Variants in GPC5 observed in about 807,000 individuals in gnomAD.
The protein encoded by GPC5 is glypican 5.
Under a neutral mutation model 53.9 loss-of-function variants are expected in GPC5, and 47 were observed. The ratio of observed to expected loss-of-function variants is 0.87; its 90% CI spans 0.69 to 1.11. The LOEUF (loss-of-function observed/expected upper bound fraction) is 1.11, where lower values mean the gene tolerates loss of function less well. Among genes scored for constraint, GPC5 ranks in the 50% most tolerant of loss-of-function variants. The pLI is 0.00. For synonymous variants in GPC5, 286 were observed against 263.3 expected (o/e 1.09, Z -0.84); for missense variants, 748 against 713.1 (o/e 1.05, Z -0.56).
intron 5 of GPC5, among the ~76,000 whole-genome samples, chr13:91,873,478 T>C (rs943391542): frequency 6.6e-6 from 1 of 152,052 alleles, no homozygotes; most frequent in Non-Finnish European, 1.5e-5. Flanking sequence ...GCCTTTCCCG[T>C]GCTGTTCTTA....
intron 7 of GPC5, among the ~76,000 whole-genome samples, chr13:92,422,085 A>G (rs930961040): frequency 2.6e-5 from 4 of 151,998 alleles, no homozygotes; most frequent in Admixed American, 6.6e-5. Context: ...AATATGGGAC[A>G]CAGACTAGAG....
chr13:92,310,605 C>G (rs1594090436), intron 7 of GPC5, among the ~76,000 whole-genome samples: 1 of 152,176 alleles, frequency 6.6e-6, no homozygotes, highest in Admixed American at 6.5e-5. Flanking sequence ...CAGAAGGAAA[C>G]TCAAACCTAT....
chr13:92,416,504 C>T (rs570684135), intron 7 of GPC5, among the ~76,000 whole-genome samples: 1 of 152,260 alleles, frequency 6.6e-6, no homozygotes, highest in South Asian at 2.1e-4. Flanking sequence ...GGTGCTGGGA[C>T]AACTGAATAT....
chr13:92,134,908 A>G (rs1254605873), intron 6 of GPC5, among the ~76,000 whole-genome samples: 1 of 152,108 alleles, frequency 6.6e-6, no homozygotes, highest in Admixed American at 6.6e-5. Context: ...CTTACATTTA[A>G]AAAAATTGGG....
chr13:92,256,500 G>A (rs1180110607), intron 7 of GPC5, among the ~76,000 whole-genome samples: 2 of 151,836 alleles, frequency 1.3e-5, no homozygotes, highest in African/African-American at 2.4e-5. Flanking sequence ...CTGCAACTAC[G>A]GATGAAATGA....
intron 5 of GPC5, among the ~76,000 whole-genome samples, chr13:91,815,246 C>A (rs1015735200): frequency 2.6e-5 from 4 of 152,000 alleles, no homozygotes; most frequent in East Asian, 1.9e-4. Flanking sequence ...ATTAGCCAGG[C>A]CTGGTGGTAT....
chr13:92,231,982 CAA>C (rs1315976437), intron 7 of GPC5, among the ~76,000 whole-genome samples: 1 of 150,678 alleles, frequency 6.6e-6, no homozygotes, highest in African/African-American at 2.5e-5. Flanking sequence ...CAAAACAAAA[CAA>C]AAACAAAAAC....
chr13:92,043,247 C>T (rs537931364), intron 6 of GPC5, among the ~76,000 whole-genome samples: 1 of 152,290 alleles, frequency 6.6e-6, no homozygotes, highest in African/African-American at 2.4e-5. Context: ...ATGACAGTCA[C>T]ATTTATGGGC....
intron 7 of GPC5, among the ~76,000 whole-genome samples, chr13:92,670,694 T>A (rs1886716320): frequency 6.6e-6 from 1 of 152,140 alleles, no homozygotes; most frequent in African/African-American, 2.4e-5. Flanking sequence ...TTTTTTAAAG[T>A]CTGCCCAGCA....
intron 6 of GPC5, among the ~76,000 whole-genome samples, chr13:91,941,298 G>T (rs2039924758): frequency 1.3e-5 from 2 of 152,042 alleles, no homozygotes; most frequent in Non-Finnish European, 1.5e-5. Flanking sequence ...ATCCGGCTTT[G>T]TTCTTTTTGC....
At chr13:92,673,942 T>A (rs1886842402) in intron 7 of GPC5, among the ~76,000 whole-genome samples, 1 of 152,132 alleles carries the variant, frequency 6.6e-6, no homozygotes, top group Non-Finnish European at 1.5e-5. Context: ...TGTAAAAAAA[T>A]GTTGATATTA....
intron 7 of GPC5, among the ~76,000 whole-genome samples, chr13:92,845,386 T>A (rs1029915699): frequency 5.3e-5 from 8 of 152,118 alleles, no homozygotes; most frequent in African/African-American, 1.9e-4. Context: ...CCAGGAGGCC[T>A]GAGAACTAGG....
At chr13:92,304,371 AT>A (rs1363858431) in intron 7 of GPC5, among the ~76,000 whole-genome samples, 2 of 151,446 alleles carry the variant, frequency 1.3e-5, no homozygotes, top group African/African-American at 4.9e-5. Flanking sequence ...CGCCCGGCTA[AT>A]TTTTTGTATT....
chr13:92,251,305 G>A (rs1355537015), intron 7 of GPC5, among the ~76,000 whole-genome samples: 16 of 152,210 alleles, frequency 1.1e-4, no homozygotes, highest in South Asian at 1.0e-3. Flanking sequence ...TGATGGCACC[G>A]TTAACATGTT....
intron 7 of GPC5, among the ~76,000 whole-genome samples, chr13:92,553,440 G>A (rs778704203): frequency 6.6e-6 from 1 of 151,902 alleles, no homozygotes; most frequent in Non-Finnish European, 1.5e-5. Context: ...ATTTGAGTTG[G>A]ATACCTGGAA....
intron 7 of GPC5, among the ~76,000 whole-genome samples, chr13:92,245,705 G>A (rs1161857724): frequency 6.6e-6 from 1 of 151,992 alleles, no homozygotes; most frequent in Non-Finnish European, 1.5e-5. Flanking sequence ...TTAATATTAT[G>A]TAACAGAAAA....
chr13:91,973,400 C>T (rs1347721238), intron 6 of GPC5, among the ~76,000 whole-genome samples: 3 of 152,154 alleles, frequency 2.0e-5, no homozygotes, highest in African/African-American at 4.8e-5. Context: ...AACTTCTTTG[C>T]CATTGGTTTG....
intron 7 of GPC5, among the ~76,000 whole-genome samples, chr13:92,529,945 G>A (rs978866879): frequency 2.0e-5 from 3 of 151,874 alleles, no homozygotes; most frequent in Non-Finnish European, 2.9e-5. Context: ...TTAGCCCAGC[G>A]TGGTAGTGCG....
intron 6 of GPC5, among the ~76,000 whole-genome samples, chr13:92,135,106 T>G (rs1289865425): frequency 2.6e-5 from 4 of 152,166 alleles, no homozygotes; most frequent in Admixed American, 2.0e-4. Flanking sequence ...CAAAATGTCC[T>G]TGTTTTTTTC....
Sources: gnomAD v4.1 joint callset for allele counts (sites outside exome capture counted in the v4.1 genomes callset) on GRCh38, gnomAD v4.1.1 for gene constraint, MANE v1.5 for transcripts, NCBI Gene and HGNC (gene_info 2026-07-23, HGNC 2026-07-21) for gene names.